The following SOS1 variants were observed in gnomAD, a reference collection of about 807,000 sequenced individuals.
SOS1 encodes SOS Ras/Rac guanine nucleotide exchange factor 1.
In SOS1, 25 loss-of-function variants were observed where a neutral mutation model predicts 157.6. The ratio of observed to expected loss-of-function variants is 0.16; its 90% confidence interval spans 0.12 to 0.22. The LOEUF is 0.22. Among genes scored for constraint, SOS1 ranks in the 10% least tolerant of loss-of-function variants. SOS1 has a pLI of 1.00. For missense variants in SOS1, 1,237 were observed against 1,599.1 expected (o/e 0.77, Z 3.86); for synonymous variants, 528 against 534.0 (o/e 0.99, Z 0.16).
chr2:38,995,364 T>C lies in SOS1; in HGVS notation c.3105A>G (p.Leu1035=), dbSNP rs749104275. The C allele has an allele frequency of 1.2e-6, 2 of 1,613,570 alleles. No homozygotes were observed. Among genetic ancestry groups the C allele is most frequent in the Non-Finnish European group, 1.7e-6 (2 of 1,179,600 alleles). ...PRFPKKYSYP[L]KSPGVRPSNP... is the part of the protein sequence containing the mutation. ...TTGATGGACGAACACCAGGAGATTT[T>C]AGGGGATAGCTATATTTTTTTGGCT... The change falls in exon 20 of 23, where the codon CTA becomes CTG. Residue 1035 remains leucine (L), a synonymous_variant. Coordinates refer to ENST00000402219, the MANE Select transcript of SOS1 (RefSeq NM_005633.4).
chr2:39,117,404 T>G (rs1271321306), intron 1 of SOS1, among the ~76,000 whole-genome samples: 3 of 152,174 alleles, frequency 2.0e-5, no homozygotes, highest in Non-Finnish European at 4.4e-5. Context: ...GTGCAATAGA[T>G]AAGATAGGAC....
chr2:38,989,728 CTAAT>C (rs887232773), intron 20 of SOS1, among the ~76,000 whole-genome samples: 5 of 151,970 alleles, frequency 3.3e-5, no homozygotes, highest in African/African-American at 7.2e-5. Context: ...AAAAAAGTTA[CTAAT>C]TATATGTCTT....
At chr2:39,059,996 C>T (rs1025845736) in intron 2 of SOS1, among the ~76,000 whole-genome samples, 1 of 151,802 alleles carries the variant, frequency 6.6e-6, no homozygotes, top group Non-Finnish European at 1.5e-5. Context: ...CAGTAAAACG[C>T]AATACAAAGG....
At chr2:39,095,573 T>A (rs975809217) in intron 1 of SOS1, among the ~76,000 whole-genome samples, 1 of 152,224 alleles carries the variant, frequency 6.6e-6, no homozygotes, top group Non-Finnish European at 1.5e-5. Flanking sequence ...TAAGTCCTCA[T>A]TCTCCTGAAT....
At chr2:39,116,456 G>A (rs1673654051) in intron 1 of SOS1, among the ~76,000 whole-genome samples, 1 of 152,116 alleles carries the variant, frequency 6.6e-6, no homozygotes, top group Non-Finnish European at 1.5e-5. Flanking sequence ...CTCTTGACTG[G>A]ACTATTAAAC....
At chr2:39,065,050 G>A (rs1274587713) in intron 2 of SOS1, among the ~76,000 whole-genome samples, 1 of 151,728 alleles carries the variant, frequency 6.6e-6, no homozygotes, top group Non-Finnish European at 1.5e-5. Context: ...GGGCCACTAT[G>A]CCCAGTCTCT....
chr2:38,995,032 C>A, intron 20 of SOS1, 91 bp downstream of exon 20: 1 of 1,062,770 alleles, frequency 9.4e-7, no homozygotes. Flanking sequence ...TACAAGTTCA[C>A]ACATACAAAA....
intron 6 of SOS1, among the ~76,000 whole-genome samples, chr2:39,038,678 G>C (rs934844421): frequency 8.4e-6 from 1 of 118,422 alleles, no homozygotes; most frequent in Non-Finnish European, 1.7e-5. Flanking sequence ...AGGTTGCAGT[G>C]AGCCGAGATC....
At chr2:39,116,587 T>C (rs574790281) in intron 1 of SOS1, among the ~76,000 whole-genome samples, 1 of 152,348 alleles carries the variant, frequency 6.6e-6, no homozygotes, top group South Asian at 2.1e-4. Flanking sequence ...TTAAAACTTA[T>C]TGGCTGGGCA....
chr2:39,122,217 G>A (rs1322817996), upstream of SOS1, among the ~76,000 whole-genome samples: 5 of 147,362 alleles, frequency 3.4e-5, no homozygotes, highest in East Asian at 1.0e-3. Flanking sequence ...ATCACCTGAG[G>A]TCAGGAGTTC....
intron 15 of SOS1, among the ~76,000 whole-genome samples, chr2:39,008,860 A>G (rs1281487673): frequency 1.3e-5 from 2 of 151,220 alleles, no homozygotes; most frequent in East Asian, 3.9e-4. Flanking sequence ...GAGGAGCAGT[A>G]CTCAGAGTTG....
intron 6 of SOS1, among the ~76,000 whole-genome samples, chr2:39,045,096 T>C (rs1670717375): frequency 6.6e-6 from 1 of 152,222 alleles, no homozygotes; most frequent in Non-Finnish European, 1.5e-5. Context: ...TGTAATGTAT[T>C]GTAATGTGCT....
At position 39,014,009 on chromosome 2, in the gene SOS1, A is replaced by AT. The variant is rs1400822322; in HGVS notation, c.1941-21dup. 1 of 1,577,394 alleles carries AT rather than the reference A, an allele frequency of 6.3e-7. No individual in the cohort carries two copies. Among genetic ancestry groups the AT allele is most frequent in the Non-Finnish European group, 8.7e-7 (1 of 1,150,286 alleles). On this transcript the variant is annotated intron_variant, in intron 11 of 22. Transcript: ENST00000402219. ...TCAAACCTAACATAAAATAGAACAAATTAATGAAAAGACTAATTATATCGA... is the reference window on the plus strand; with the variant it reads ...TCAAACCTAACATAAAATAGAACAAATTTAATGAAAAGACTAATTATATCGA...
intron 1 of SOS1, among the ~76,000 whole-genome samples, chr2:39,072,428 G>A (rs939053915): frequency 2.0e-5 from 3 of 152,150 alleles, no homozygotes; most frequent in Admixed American, 6.6e-5. Flanking sequence ...AGTCTGTTTG[G>A]TTGTTTGGTT....
At chr2:38,987,414 G>C in intron 22 of SOS1, 59 bp downstream of exon 22, 1 of 871,562 alleles carries the variant, frequency 1.1e-6, no homozygotes, top group Non-Finnish European at 1.9e-6. Context: ...CTAGACAGCC[G>C]TTTATTATAA....
chr2:39,009,356 G>C (rs1414890126), intron 15 of SOS1, among the ~76,000 whole-genome samples: 2 of 152,126 alleles, frequency 1.3e-5, no homozygotes, highest in Non-Finnish European at 2.9e-5. Flanking sequence ...TTTGTTGCTA[G>C]CCCACCCTCC....
chr2:39,105,278 A>T (rs917275836), intron 1 of SOS1, among the ~76,000 whole-genome samples: 4 of 151,856 alleles, frequency 2.6e-5, no homozygotes, highest in African/African-American at 4.8e-5. Flanking sequence ...ATTTTTTTTT[A>T]AATCCTGAAC....
At chr2:39,096,558 T>C (rs1672768388) in intron 1 of SOS1, among the ~76,000 whole-genome samples, 1 of 152,192 alleles carries the variant, frequency 6.6e-6, no homozygotes, top group Non-Finnish European at 1.5e-5. Flanking sequence ...TAATAAAATG[T>C]TACCAAAGAG....
chr2:39,104,718 G>T (rs545954764), intron 1 of SOS1, among the ~76,000 whole-genome samples: 1 of 152,166 alleles, frequency 6.6e-6, no homozygotes, highest in African/African-American at 2.4e-5. Flanking sequence ...CCTGAATAGA[G>T]TATTACTGAG....
Sources: gnomAD v4.1 joint callset for allele counts (sites outside exome capture counted in the v4.1 genomes callset) on GRCh38, gnomAD v4.1.1 for gene constraint, MANE v1.5 for transcripts, NCBI Gene and HGNC (gene_info 2026-07-23, HGNC 2026-07-21) for gene names.